FAM227B: variants seen among roughly 807,000 people sequenced by gnomAD.
The protein encoded by FAM227B is protein FAM227B.
A neutral mutation model predicts 73.8 loss-of-function variants in FAM227B; 88 were observed. The observed-to-expected ratio is 1.19, with a 90% CI of 1.00 to 1.42. The LOEUF is 1.42. FAM227B is among the 40% of genes most tolerant of loss of function. FAM227B has a pLI of 0.00. For missense variants in FAM227B, 632 were observed against 590.9 expected (o/e 1.07, Z -0.72); for synonymous variants, 210 against 190.5 (o/e 1.10, Z -0.84).
chr15:49,505,898 AG>A (rs1417320204), intron 11 of FAM227B, among the ~76,000 whole-genome samples: 3 of 152,018 alleles, frequency 2.0e-5, no homozygotes, highest in Non-Finnish European at 4.4e-5. Flanking sequence ...GTTTACAAAA[AG>A]TATATAAGAA....
chr15:49,511,310 T>C (rs1240880372), intron 10 of FAM227B, among the ~76,000 whole-genome samples: 1 of 151,630 alleles, frequency 6.6e-6, no homozygotes, highest in Non-Finnish European at 1.5e-5. Flanking sequence ...TAAATTACCT[T>C]CCAAGAACCT....
At chr15:49,368,062 C>T (rs1596619725) in intron 12 of FAM227B, among the ~76,000 whole-genome samples, 1 of 151,664 alleles carries the variant, frequency 6.6e-6, no homozygotes, top group East Asian at 1.9e-4. Context: ...GGAGAAAAAC[C>T]TCAAAAGCAA....
chr15:49,526,373 C>T (rs2060205194), intron 10 of FAM227B, among the ~76,000 whole-genome samples: 1 of 151,890 alleles, frequency 6.6e-6, no homozygotes, highest in Non-Finnish European at 1.5e-5. Flanking sequence ...CATAATATAC[C>T]AAAACATCTA....
chr15:49,450,020 T>G (rs893721893), intron 11 of FAM227B, among the ~76,000 whole-genome samples: 1 of 152,114 alleles, frequency 6.6e-6, no homozygotes, highest in African/African-American at 2.4e-5. Context: ...TGTGGTTGCA[T>G]GAGCCCGTAA....
intron 11 of FAM227B, among the ~76,000 whole-genome samples, chr15:49,503,243 T>A (rs1409301977): frequency 6.6e-6 from 1 of 152,144 alleles, no homozygotes; most frequent in Admixed American, 6.5e-5. Context: ...TGAAACTGGA[T>A]CCCTTCCTTA....
chr15:49,505,556 T>C (rs566515272), intron 11 of FAM227B, among the ~76,000 whole-genome samples: 80 of 152,098 alleles, frequency 5.3e-4, no homozygotes, highest in Non-Finnish European at 9.3e-4. Context: ...AGGTCCTACA[T>C]TTTAAGTTAA....
At chr15:49,599,448 T>G (rs1260468482) in intron 3 of FAM227B, among the ~76,000 whole-genome samples, 6 of 152,120 alleles carry the variant, frequency 3.9e-5, no homozygotes, top group African/African-American at 1.2e-4. Flanking sequence ...ATTTCTGCTC[T>G]GATCTTTGTT....
At chr15:49,606,094 T>A (rs1159898293) in intron 3 of FAM227B, 1 of 152,262 alleles carries the variant, frequency 6.6e-6, no homozygotes, top group Admixed American at 6.5e-5. Flanking sequence ...CTTCAAGGTA[T>A]CTTTTCTTAT....
chr15:49,602,106 G>A (rs1215319227), intron 3 of FAM227B, among the ~76,000 whole-genome samples: 1 of 152,054 alleles, frequency 6.6e-6, no homozygotes, highest in African/African-American at 2.4e-5. Context: ...AACAAACCTG[G>A]GAGTGCAGAT....
chr15:49,429,477 TC>T lies in FAM227B; in HGVS notation c.1013-58079del, dbSNP rs572638253. Among the ~76,000 whole-genome samples the T allele has an allele frequency of 1.8e-4, 27 of 152,114 alleles. No individual in the cohort carries two copies. The East Asian group carries it at 5.0e-3, about 28-fold the overall frequency. On this transcript the variant is annotated intron_variant, in intron 11 of 15. Transcript: ENST00000299338. ...CATCTCTTTTCTCTTTTGTAAATCCTCATCTAGACTGACCCTTATGACTCAG... is the reference window on the plus strand; with the variant it reads ...CATCTCTTTTCTCTTTTGTAAATCCTATCTAGACTGACCCTTATGACTCAG...
chr15:49,334,256 TAGA>T (rs2039310805), intron 14 of FAM227B: 2 of 984,576 alleles, frequency 2.0e-6, no homozygotes, highest in Non-Finnish European at 2.4e-6. Context: ...GCTGCTGTTT[TAGA>T]AGTTTTATTT....
intron 11 of FAM227B, among the ~76,000 whole-genome samples, chr15:49,394,120 AAC>A (rs987082077): frequency 6.6e-6 from 1 of 152,144 alleles, no homozygotes; most frequent in African/African-American, 2.4e-5. Context: ...GGGGATAGAG[AAC>A]ACAGAGCTAG....
intron 11 of FAM227B, among the ~76,000 whole-genome samples, chr15:49,469,278 T>A (rs1454006395): frequency 6.6e-6 from 1 of 152,172 alleles, no homozygotes; most frequent in African/African-American, 2.4e-5. Context: ...TTAGAGATAA[T>A]TATACCACTT....
intron 9 of FAM227B, among the ~76,000 whole-genome samples, chr15:49,542,540 C>T (rs2071222215): frequency 6.6e-6 from 1 of 151,706 alleles, no homozygotes; most frequent in Non-Finnish European, 1.5e-5. Context: ...ATATGTATGC[C>T]TCTGCATCCT....
rs148759690 is a variant in FAM227B, at chr15:49,342,197, G to A, written c.1272-6701C>T. ...GTATGTGTAAAAGTAGTTGTTTTAT[G>A]AATCTGGGTGATCCAATGCTGGGTG... is the stretch of plus-strand genomic sequence containing the variant. On this transcript the variant is annotated intron_variant, in intron 13 of 15. Transcript: ENST00000299338. 9.5e-4 allele frequency among the ~76,000 whole-genome samples: 145 copies of A among 152,244 alleles called. 1 individual carries two copies. The East Asian group carries it at 0.016, about 17-fold the overall frequency.
intron 15 of FAM227B, 128 bp from the exon 16 acceptor site, chr15:49,328,803 T>C (rs987805812): frequency 2.1e-6 from 3 of 1,421,124 alleles, no homozygotes; most frequent in Non-Finnish European, 2.8e-6. Context: ...AAAAGGAGGA[T>C]ACAGGAAGAA....
At chr15:49,476,017 T>C (rs1235166564) in intron 11 of FAM227B, among the ~76,000 whole-genome samples, 1 of 152,208 alleles carries the variant, frequency 6.6e-6, no homozygotes, top group East Asian at 1.9e-4. Flanking sequence ...TTCAATCTTC[T>C]GAACATGACT....
intron 9 of FAM227B, among the ~76,000 whole-genome samples, chr15:49,564,513 G>C (rs1020831859): frequency 8.6e-5 from 13 of 151,990 alleles, no homozygotes; most frequent in Admixed American, 2.6e-4. Flanking sequence ...AAAATAAGTC[G>C]TTCTATCAAA....
intron 10 of FAM227B, among the ~76,000 whole-genome samples, chr15:49,524,481 G>C (rs866134316): frequency 1.3e-5 from 2 of 152,206 alleles, no homozygotes; most frequent in Admixed American, 1.3e-4. Context: ...GAAGTTTGCT[G>C]CACGGGAGGG....
Sources: allele counts gnomAD v4.1 joint callset (sites outside exome capture counted in the v4.1 genomes callset), GRCh38; gene constraint gnomAD v4.1.1; transcripts MANE v1.5; gene names NCBI Gene and HGNC (gene_info 2026-07-23, HGNC 2026-07-21).